The following HIPK1 variants were observed in gnomAD, a reference collection of about 807,000 sequenced individuals.
HIPK1 encodes homeodomain interacting protein kinase 1, also known as homeodomain-interacting protein kinase 1.
Under a neutral mutation model 117.1 loss-of-function variants are expected in HIPK1, and 28 were observed. That is an observed-to-expected ratio of 0.24 (90% CI 0.18 to 0.33). The LOEUF (loss-of-function observed/expected upper bound fraction) is 0.33, where lower values mean the gene tolerates loss of function less well. Among genes scored for constraint, HIPK1 ranks in the 10% least tolerant of loss-of-function variants. HIPK1 has a pLI of 1.00. For missense variants in HIPK1, 1,122 were observed against 1,475.1 expected (o/e 0.76, Z 3.92); for synonymous variants, 605 against 562.5 (o/e 1.08, Z -1.07).
intron 2 of HIPK1, among the ~76,000 whole-genome samples, chr1:113,942,227 ATTT>A (rs1227676384): frequency 1.3e-5 from 2 of 149,558 alleles, no homozygotes; most frequent in Non-Finnish European, 3.0e-5. Context: ...CGCCCGGCTA[ATTT>A]TTTTGTTTTT....
rs1672611431 is a variant in HIPK1, at chr1:113,968,557, A to T, written c.2680A>T (p.Ile894Phe). The T allele has an allele frequency of 6.2e-7, 1 of 1,614,104 alleles. No individual in the cohort carries two copies. The highest frequency in any genetic ancestry group is 8.5e-7 in the Non-Finnish European group (1 of 1,179,940). ...VPVQDQHQPI[I>F]IPDTPSPPVS... The stretch of plus-strand genomic sequence containing the variant: ...TGTCCAAGATCAGCATCAGCCCATC[A>T]TCATTCCAGATACTCCCAGCCCTCC... The change falls in exon 13 of 16, where the codon ATC (isoleucine) becomes TTC (phenylalanine). Residue 894 changes from isoleucine (I) to phenylalanine (F), a missense_variant. Ile to Phe is a conservative substitution (Grantham distance 21, BLOSUM62 0). This residue lies in a region of HIPK1 where 731 missense variants were observed against 860.4 expected (regional missense o/e 0.85). Coordinates refer to ENST00000426820, the MANE Select transcript of HIPK1 (RefSeq NM_198268.3).
At position 113,973,253 on chromosome 1, in the gene HIPK1, C is replaced by T; in HGVS notation, c.3374C>T (p.Ser1125Leu). The change falls in exon 16 of 16, where the codon TCA becomes TTA. Residue 1125 changes from serine (S) to leucine (L), a missense_variant. Transcript: ENST00000426820. ...AAPTSAAALG[S>L]TSSIAHLFSP... is the part of the protein sequence containing the mutation. Reference sequence around the variant, plus strand: ...CCGACTTCTGCTGCTGCACTGGGCTCAACCAGCTCCATTGCTCATCTTTTC... The same window carrying T: ...CCGACTTCTGCTGCTGCACTGGGCTTAACCAGCTCCATTGCTCATCTTTTC... 6.2e-7 allele frequency: 1 copy of T among 1,614,174 alleles called. No homozygotes were observed.
At position 113,971,936 on chromosome 1, in the gene HIPK1, A is replaced by G. The variant is rs956007479; in HGVS notation, c.3126A>G (p.Gln1042=). The G allele has an allele frequency of 1.9e-6, 3 of 1,610,708 alleles. No homozygotes were observed. Among genetic ancestry groups the G allele is most frequent in the African/African-American group, 1.3e-5 (1 of 74,964 alleles). Residue 1042 remains glutamine, a synonymous_variant, in exon 15 of 16, where the codon CAA becomes CAG. Transcript: ENST00000426820. ...RAQRGGTSAA[Q]PLNLSQNQQS... ...AACGCGGGGGGACCAGTGCAGCACA[A>G]CCACTCAATCTTAGCCAGGTAAGTG...
intron 1 of HIPK1, 185 bp downstream of exon 1, chr1:113,929,717 C>G: frequency 1.3e-6 from 1 of 788,650 alleles, no homozygotes; most frequent in Non-Finnish European, 1.6e-6. Context: ...GCTGAGGCGG[C>G]GGCGGCGGCG....
Position 113,941,109 on chromosome 1 carries a change from C to T in HIPK1, c.726C>T (p.Ser242=), listed in dbSNP as rs1368036297. The change falls in exon 2 of 16, where the codon AGC becomes AGT. Residue 242 remains serine, a synonymous_variant. Coordinates refer to ENST00000426820, the MANE Select transcript of HIPK1 (RefSeq NM_198268.3). This position sits in a 1 kb window ranked among gnomAD's most constrained non-coding sequence, Gnocchi z 4.9. ...AAGTGAGCATCCTTTCCCGCCTAAG[C>T]AGTGAAAATGCTGATGAGTATAATT... ...QIEVSILSRL[S]SENADEYNFV... The T allele has an allele frequency of 6.2e-7, 1 of 1,614,098 alleles. No homozygotes were observed. The highest frequency in any genetic ancestry group is 8.5e-7 in the Non-Finnish European group (1 of 1,180,052).
chr1:113,949,740 A>C (rs537145595), intron 2 of HIPK1, among the ~76,000 whole-genome samples: 1 of 151,876 alleles, frequency 6.6e-6, no homozygotes, highest in South Asian at 2.1e-4. Flanking sequence ...CTGGGATTAC[A>C]GGTGCCCGCC....
At chr1:113,965,905 G>A (rs892144938) in intron 10 of HIPK1, among the ~76,000 whole-genome samples, 3 of 151,994 alleles carry the variant, frequency 2.0e-5, no homozygotes, top group Admixed American at 6.6e-5. Context: ...TTTAATACCC[G>A]GGTGGTCAGG....
At chr1:113,966,477 C>T (rs1672454804) in intron 11 of HIPK1, among the ~76,000 whole-genome samples, 1 of 152,146 alleles carries the variant, frequency 6.6e-6, no homozygotes, top group African/African-American at 2.4e-5. Context: ...GGTCAGGAAT[C>T]ATTTCTTCTA....
chr1:113,956,433 A>G (rs570979320), intron 5 of HIPK1, among the ~76,000 whole-genome samples, 194 bp from the exon 6 acceptor site: 156 of 152,310 alleles, frequency 1.0e-3, no homozygotes, highest in African/African-American at 3.2e-3. Context: ...CTCAATTTAG[A>G]TGAAGATTTT....
At chr1:113,953,985 A>G (rs12129050) in intron 3 of HIPK1, 36,430 of 151,934 alleles carry the variant, frequency 0.24, 4,436 homozygotes, top group East Asian at 0.25. Flanking sequence ...TTTTTTAGAG[A>G]CAGAGTCTTG....
At chr1:113,950,756 G>A (rs2101272534) in intron 2 of HIPK1, among the ~76,000 whole-genome samples, 1 of 152,270 alleles carries the variant, frequency 6.6e-6, no homozygotes, top group East Asian at 1.9e-4. Context: ...ACTCACCTTG[G>A]CTTCCCAAAG....
At chr1:113,938,516 A>C (rs1165293198) in intron 1 of HIPK1, among the ~76,000 whole-genome samples, 1 of 152,174 alleles carries the variant, frequency 6.6e-6, no homozygotes, top group Non-Finnish European at 1.5e-5. Context: ...TTTAAAAGCA[A>C]AGATCTACTG....
In HIPK1 at chr1:113,948,734, G is replaced by GT. The variant is rs879766512; in HGVS notation, c.1077-4021dup. ...TGAAAAAACTTTCAGCTAATCTTCAGTTTTTTTTTTTAATTAAATGGGACT... is the reference window on the plus strand; with the variant it reads ...TGAAAAAACTTTCAGCTAATCTTCAGTTTTTTTTTTTTAATTAAATGGGACT... On this transcript the variant is annotated intron_variant, in intron 2 of 15. Coordinates refer to ENST00000426820, the MANE Select transcript of HIPK1 (RefSeq NM_198268.3). Among the ~76,000 whole-genome samples the GT allele has an allele frequency of 1.9e-3, 272 of 146,082 alleles. 1 individual carries two copies. Among genetic ancestry groups the GT allele is most frequent in the East Asian group, 0.016 (83 of 5,032 alleles).
chr1:113,952,131 G>A (rs1671408390), intron 2 of HIPK1, among the ~76,000 whole-genome samples: 1 of 151,684 alleles, frequency 6.6e-6, no homozygotes, highest in Admixed American at 6.6e-5. Flanking sequence ...TAGATTTGGG[G>A]TTTCACCATA....
At chr1:113,972,907 T>A in intron 15 of HIPK1, 117 bp from the exon 16 acceptor site, 2 of 1,060,982 alleles carry the variant, frequency 1.9e-6, no homozygotes, top group Non-Finnish European at 2.6e-6. Context: ...TGTGGGAGAT[T>A]ATGTGCTATA....
chr1:113,962,212 C>A, intron 8 of HIPK1, 105 bp from the exon 9 acceptor site: 1 of 1,203,784 alleles, frequency 8.3e-7, no homozygotes, highest in Non-Finnish European at 1.2e-6. Context: ...AGGATTAAAA[C>A]CTGAACAGTG....
At chr1:113,948,575 GCTTTC>G (rs1344157785) in intron 2 of HIPK1, among the ~76,000 whole-genome samples, 1 of 150,470 alleles carries the variant, frequency 6.6e-6, no homozygotes, top group Non-Finnish European at 1.5e-5. Context: ...TTTTTAAACT[GCTTTC>G]CTTTTTTTGT....
intron 3 of HIPK1, among the ~76,000 whole-genome samples, chr1:113,953,621 G>A (rs35591293): frequency 0.18 from 28,078 of 151,784 alleles, 3,356 homozygotes; most frequent in Non-Finnish European, 0.27. Context: ...TGGTTCAAGC[G>A]ATTCTCCTGC....
chr1:113,954,730 A>G lies in HIPK1; in HGVS notation c.1280A>G (p.Asn427Ser). ...SAGTKTTRFFNRDPNLGYPLW... is the reference protein window; with the variant it reads ...SAGTKTTRFFSRDPNLGYPLW... ...GGAACAAAAACAACCAGGTTTTTCA[A>G]CAGAGATCCTAATTTGGGGTACCCA... The change falls in exon 4 of 16, where the codon AAC becomes AGC. Residue 427 changes from asparagine to serine, a missense_variant. By Grantham distance (46) the Asn-to-Ser change is conservative (BLOSUM62 1). This residue lies in a region of HIPK1 where 127 missense variants were observed against 197.9 expected (regional missense o/e 0.64). Transcript: ENST00000426820. 1 of 1,614,138 alleles carries G rather than the reference A, an allele frequency of 6.2e-7. No homozygotes were observed. Among genetic ancestry groups the G allele is most frequent in the Non-Finnish European group, 8.5e-7 (1 of 1,179,972 alleles).
Sources: allele counts gnomAD v4.1 joint callset (sites outside exome capture counted in the v4.1 genomes callset), GRCh38; gene constraint gnomAD v4.1.1; regional missense constraint gnomAD v4.1.1; non-coding constraint Gnocchi (gnomAD v3.1); transcripts MANE v1.5; gene names NCBI Gene and HGNC (gene_info 2026-07-23, HGNC 2026-07-21).